The following SPPL3 variants were observed in gnomAD, a reference collection of about 807,000 sequenced individuals.
The protein encoded by SPPL3 is signal peptide peptidase like 3.
In SPPL3, 5 loss-of-function variants were observed where a neutral mutation model predicts 42.4. That is an observed-to-expected ratio of 0.12 (90% CI 0.06 to 0.25). The LOEUF is 0.25. Ranked by LOEUF, SPPL3 falls within the 10% of genes least tolerant of loss-of-function variation. The probability of loss-of-function intolerance (pLI) is 1.00; values close to 1 mark genes in which losing one functional copy is unlikely to be tolerated. For synonymous variants in SPPL3, 195 were observed against 181.8 expected (o/e 1.07, Z -0.58); for missense variants, 235 against 489.0 (o/e 0.48, Z 4.90).
intron 2 of SPPL3, chr12:120,791,943 A>G (rs779468596): frequency 1.4e-4 from 30 of 208,180 alleles, no homozygotes; most frequent in Non-Finnish European, 2.6e-4. Context: ...TCAGCAGTGT[A>G]TGAGAGCACT....
In SPPL3 at chr12:120,893,547, C is replaced by A. The variant is rs544572937; in HGVS notation, c.23+10298G>T. Reference sequence around the variant, plus strand: ...ACAAATGGCCAGTACCCAGAAGATGCCTTTATTTCTTTATGACCTACCCCT... The same window carrying A: ...ACAAATGGCCAGTACCCAGAAGATGACTTTATTTCTTTATGACCTACCCCT... On this transcript the variant is annotated intron_variant, in intron 1 of 10. Transcript: ENST00000353487. 2.6e-5 allele frequency among the ~76,000 whole-genome samples: 4 copies of A among 152,204 alleles called. No homozygotes were observed. The East Asian group carries it at 7.7e-4, about 29-fold the overall frequency.
chr12:120,781,561 T>G (rs1010188810), intron 6 of SPPL3, among the ~76,000 whole-genome samples: 16 of 28,078 alleles, frequency 5.7e-4, no homozygotes, highest in Middle Eastern at 0.017. Context: ...TTACGTTTTT[T>G]TTTTTTTTTT....
chr12:120,816,404 T>G (rs1566049896), intron 1 of SPPL3, among the ~76,000 whole-genome samples: 2 of 152,242 alleles, frequency 1.3e-5, no homozygotes, highest in Non-Finnish European at 1.5e-5. Context: ...TTCTAACAAT[T>G]TGGCAAACTT....
At chr12:120,825,608 C>T (rs1013182145) in intron 1 of SPPL3, among the ~76,000 whole-genome samples, 1 of 152,224 alleles carries the variant, frequency 6.6e-6, no homozygotes, top group Non-Finnish European at 1.5e-5. Flanking sequence ...GCAAGATCAG[C>T]TTCTGTTTAC....
chr12:120,776,512 C>T (rs530669833), intron 6 of SPPL3, among the ~76,000 whole-genome samples: 10 of 152,150 alleles, frequency 6.6e-5, no homozygotes, highest in African/African-American at 2.4e-4. Context: ...AAAATTCTCC[C>T]GACTTGCTCT....
intron 1 of SPPL3, among the ~76,000 whole-genome samples, chr12:120,861,026 C>T (rs575552347): frequency 7.9e-5 from 12 of 152,250 alleles, no homozygotes; most frequent in South Asian, 2.1e-4. Flanking sequence ...TTTAAATCAT[C>T]GCTATATTAC....
chr12:120,790,826 C>CTT (rs35743748), intron 3 of SPPL3, among the ~76,000 whole-genome samples: 216 of 147,042 alleles, frequency 1.5e-3, no homozygotes, highest in Middle Eastern at 7.1e-3. Context: ...TATCTTGGCA[C>CTT]TTTTTTTTTT....
chr12:120,851,549 A>G (rs2137034037), intron 1 of SPPL3, among the ~76,000 whole-genome samples: 1 of 152,030 alleles, frequency 6.6e-6, no homozygotes, highest in African/African-American at 2.4e-5. Flanking sequence ...GCACTCCACC[A>G]CTTCTCAAAT....
chr12:120,792,529 G>A (rs36096261), intron 2 of SPPL3, among the ~76,000 whole-genome samples: 12,044 of 151,670 alleles, frequency 0.079, 693 homozygotes, highest in Non-Finnish European at 0.12. Context: ...GTGAAACCCC[G>A]TTTCTACTAA....
chr12:120,860,785 G>T (rs528967544), intron 1 of SPPL3, among the ~76,000 whole-genome samples: 1 of 152,244 alleles, frequency 6.6e-6, no homozygotes, highest in East Asian at 1.9e-4. Context: ...TTATGTAAAA[G>T]AGTAAATATT....
At chr12:120,789,819 C>T (rs1299335848) in intron 3 of SPPL3, among the ~76,000 whole-genome samples, 8 of 83,658 alleles carry the variant, frequency 9.6e-5, no homozygotes, top group East Asian at 5.3e-4. Flanking sequence ...AGCAAGACTC[C>T]GTCTCAAAAA....
intron 1 of SPPL3, among the ~76,000 whole-genome samples, chr12:120,814,209 T>C (rs1870789243): frequency 1.3e-5 from 2 of 152,218 alleles, no homozygotes; most frequent in South Asian, 2.1e-4. Flanking sequence ...CAATTAAAAC[T>C]ACTAGAGGCA....
At chr12:120,821,340 C>T (rs1164990342) in intron 1 of SPPL3, among the ~76,000 whole-genome samples, 1 of 152,250 alleles carries the variant, frequency 6.6e-6, no homozygotes, top group Non-Finnish European at 1.5e-5. Flanking sequence ...TTGATTGTGA[C>T]TTGCGCACAC....
intron 1 of SPPL3, among the ~76,000 whole-genome samples, chr12:120,868,105 A>C (rs1325354915): frequency 6.6e-6 from 1 of 152,180 alleles, no homozygotes; most frequent in African/African-American, 2.4e-5. Context: ...CTTTACAAAA[A>C]ATAAATTAAG....
chr12:120,823,194 C>T (rs951197835), intron 1 of SPPL3, among the ~76,000 whole-genome samples: 69 of 67,590 alleles, frequency 1.0e-3, no homozygotes, highest in Non-Finnish European at 1.6e-3. Flanking sequence ...CTGTGAGAGA[C>T]GGAGAGTGTG....
intron 1 of SPPL3, among the ~76,000 whole-genome samples, chr12:120,834,876 A>G (rs1871555293): frequency 1.3e-5 from 2 of 152,228 alleles, no homozygotes; most frequent in Non-Finnish European, 2.9e-5. Flanking sequence ...ATCTGATAAC[A>G]TCTTATAAAA....
chr12:120,900,597 GAA>G (rs10657271), intron 1 of SPPL3, among the ~76,000 whole-genome samples: 6 of 123,088 alleles, frequency 4.9e-5, no homozygotes, highest in African/African-American at 6.3e-5. Flanking sequence ...CTGTCTCAAG[GAA>G]AAAAAAAAAA....
At chr12:120,850,283 T>C (rs1200807641) in intron 1 of SPPL3, among the ~76,000 whole-genome samples, 4 of 152,108 alleles carry the variant, frequency 2.6e-5, no homozygotes, top group Non-Finnish European at 5.9e-5. Context: ...GTTGCCCCTT[T>C]CAAATCTAAA....
chr12:120,901,635 C>T (rs1213521199), intron 1 of SPPL3, among the ~76,000 whole-genome samples: 1 of 149,610 alleles, frequency 6.7e-6, no homozygotes, highest in Non-Finnish European at 1.5e-5. Flanking sequence ...TTTCCCCAGT[C>T]TCCCCTTATA....
Sources: allele counts gnomAD v4.1 joint callset (sites outside exome capture counted in the v4.1 genomes callset), GRCh38; gene constraint gnomAD v4.1.1; transcripts MANE v1.5; gene names NCBI Gene and HGNC (gene_info 2026-07-23, HGNC 2026-07-21).